CYP4X1: variants seen among roughly 807,000 people sequenced by gnomAD.
CYP4X1 encodes cytochrome P450 4X1.
In CYP4X1, 44 loss-of-function variants were observed where a neutral mutation model predicts 57.9. The ratio of observed to expected loss-of-function variants is 0.76; its 90% confidence interval spans 0.60 to 0.98. The LOEUF (loss-of-function observed/expected upper bound fraction) is 0.98. CYP4X1 is among the 50% of genes least tolerant of loss of function. CYP4X1 has a pLI of 0.00. For synonymous variants in CYP4X1, 227 were observed against 228.6 expected (o/e 0.99, Z 0.06); for missense variants, 532 against 623.9 (o/e 0.85, Z 1.57).
chr1:47,015,417 T>C, the CYP4X1 span, among the ~76,000 whole-genome samples: 1 of 152,196 alleles, frequency 6.6e-6, no homozygotes, highest in South Asian at 2.1e-4. Context: ...TCCGAATCCC[T>C]GCCCCTGCCG....
intron 4 of CYP4X1, among the ~76,000 whole-genome samples, chr1:47,033,787 C>A (rs1236726527): frequency 6.6e-6 from 1 of 152,176 alleles, no homozygotes; most frequent in Admixed American, 6.5e-5. Context: ...GGCTGTTTCA[C>A]ACAGTTGTGA....
At chr1:47,014,333 A>G in the CYP4X1 span, among the ~76,000 whole-genome samples, 974 of 152,264 alleles carry the variant, frequency 6.4e-3, 4 homozygotes, top group Non-Finnish European at 0.011. Context: ...TGACTGCACT[A>G]GGAATCCCAA....
the CYP4X1 span, among the ~76,000 whole-genome samples, chr1:46,984,469 C>A: frequency 6.6e-6 from 1 of 150,390 alleles, no homozygotes; most frequent in Non-Finnish European, 1.5e-5. Flanking sequence ...GAGATCAATG[C>A]AGAATGTGGG....
At chr1:47,053,984 G>A (rs1221960997), downstream of CYP4X1, among the ~76,000 whole-genome samples, 3 of 151,872 alleles carry the variant, frequency 2.0e-5, no homozygotes, top group African/African-American at 7.3e-5. Flanking sequence ...TAGACATGAA[G>A]TCCTTGCCCA....
At chr1:47,019,804 A>AC (rs1643977959), upstream of CYP4X1, among the ~76,000 whole-genome samples, 1 of 152,170 alleles carries the variant, frequency 6.6e-6, no homozygotes, top group Admixed American at 6.5e-5. Flanking sequence ...CAGTTTTCAT[A>AC]CAGGTATGAA....
chr1:46,997,455 C>G, the CYP4X1 span, among the ~76,000 whole-genome samples: 1 of 152,210 alleles, frequency 6.6e-6, no homozygotes, highest in Non-Finnish European at 1.5e-5. Flanking sequence ...CTCCCACTTA[C>G]AAGTAATAAC....
chr1:47,006,904 C>T, the CYP4X1 span, among the ~76,000 whole-genome samples: 2 of 152,172 alleles, frequency 1.3e-5, no homozygotes, highest in African/African-American at 4.8e-5. Flanking sequence ...ACTGCCGAGG[C>T]TTGAGTAGGT....
the CYP4X1 span, among the ~76,000 whole-genome samples, chr1:47,001,442 A>T: frequency 6.6e-6 from 1 of 152,200 alleles, no homozygotes. Context: ...AGGATGGGCC[A>T]TAATCAGGCG....
chr1:47,039,366 G>C lies in CYP4X1; in HGVS notation c.907G>C (p.Asp303His). The change falls in exon 8 of 12, where the codon GAT becomes CAT. Residue 303 changes from aspartate (D) to histidine (H), a missense_variant. Physicochemically the swap from Asp to His is moderately conservative, Grantham distance 81. Coordinates refer to ENST00000371901, the MANE Select transcript of CYP4X1 (RefSeq NM_178033.2). ...GGATGAAAGTGGTAGCAGCTTCTCAGATATTGATGTACACTCTGAAGTGAG... is the reference window on the plus strand; with the variant it reads ...GGATGAAAGTGGTAGCAGCTTCTCACATATTGATGTACACTCTGAAGTGAG... Reference protein sequence around the residue: ...AKDESGSSFSDIDVHSEVSTF... With the variant: ...AKDESGSSFSHIDVHSEVSTF... 2 of 1,600,062 alleles carry C rather than the reference G, an allele frequency of 1.2e-6. No homozygotes were observed. The highest frequency in any genetic ancestry group is 1.7e-6 in the Non-Finnish European group (2 of 1,175,218).
chr1:47,047,193 G>A (rs1227321289), intron 9 of CYP4X1, among the ~76,000 whole-genome samples: 1 of 151,868 alleles, frequency 6.6e-6, no homozygotes, highest in Non-Finnish European at 1.5e-5. Flanking sequence ...ACTGATGTGA[G>A]CAGAGCTAGA....
chr1:46,968,257 T>A, the CYP4X1 span, among the ~76,000 whole-genome samples: 2 of 152,196 alleles, frequency 1.3e-5, no homozygotes, highest in Non-Finnish European at 2.9e-5. Flanking sequence ...AGCCTTATAA[T>A]TCTACTCCAG....
chr1:46,995,509 C>T, the CYP4X1 span, among the ~76,000 whole-genome samples: 1 of 151,984 alleles, frequency 6.6e-6, no homozygotes, highest in African/African-American at 2.4e-5. Context: ...ATTTTATCTT[C>T]AAGTTCTGCA....
At chr1:47,033,169 C>T in intron 3 of CYP4X1, 72 bp from the exon 4 acceptor site, 1 of 1,547,398 alleles carries the variant, frequency 6.5e-7, no homozygotes, top group South Asian at 1.2e-5. Context: ...CTCCACGCTG[C>T]CTGTGTTCCT....
At chr1:47,015,441 C>T in the CYP4X1 span, among the ~76,000 whole-genome samples, 1 of 152,110 alleles carries the variant, frequency 6.6e-6, no homozygotes, top group Admixed American at 6.5e-5. Flanking sequence ...CAGAAGATGC[C>T]TCAGGATTCT....
At position 47,035,944 on chromosome 1, in the gene CYP4X1, G is replaced by A. The variant is rs1252436898; in HGVS notation, c.620+11G>A. The A allele has an allele frequency of 6.2e-7, 1 of 1,611,940 alleles. No individual in the cohort carries two copies. The highest frequency in any genetic ancestry group is 2.2e-5 in the East Asian group (1 of 44,846). ...CTGCCAGACAAACAGGTCAGTGGTGGGAGAGCAAAAAAGATATTTCTTCAC... is the reference window on the plus strand; with the variant it reads ...CTGCCAGACAAACAGGTCAGTGGTGAGAGAGCAAAAAAGATATTTCTTCAC... On this transcript the variant is annotated intron_variant, in intron 5 of 11. Coordinates refer to ENST00000371901, the MANE Select transcript of CYP4X1 (RefSeq NM_178033.2).
the CYP4X1 span, among the ~76,000 whole-genome samples, chr1:46,976,062 G>GC: frequency 6.6e-6 from 1 of 152,032 alleles, no homozygotes; most frequent in Admixed American, 6.5e-5. Context: ...TGCATTTCCA[G>GC]CTGAGGTACC....
chr1:46,981,695 C>T, the CYP4X1 span, among the ~76,000 whole-genome samples: 18 of 152,188 alleles, frequency 1.2e-4, no homozygotes, highest in East Asian at 3.9e-4. Flanking sequence ...ATGTTTATTG[C>T]GGCACTATTC....
intron 3 of CYP4X1, among the ~76,000 whole-genome samples, 194 bp from the exon 4 acceptor site, chr1:47,033,047 A>G (rs926785106): frequency 6.6e-6 from 1 of 152,144 alleles, no homozygotes; most frequent in Non-Finnish European, 1.5e-5. Context: ...AAATACATCC[A>G]TCCCAGAGGT....
At chr1:47,007,196 C>A in the CYP4X1 span, among the ~76,000 whole-genome samples, 4 of 152,198 alleles carry the variant, frequency 2.6e-5, no homozygotes, top group African/African-American at 9.6e-5. Flanking sequence ...CAGACTGACA[C>A]CTCACACGGC....
Sources: gnomAD v4.1 joint callset for allele counts (sites outside exome capture counted in the v4.1 genomes callset) on GRCh38, gnomAD v4.1.1 for gene constraint, MANE v1.5 for transcripts, NCBI Gene and HGNC (gene_info 2026-07-23, HGNC 2026-07-21) for gene names.